PSMA1: variants seen among roughly 807,000 people sequenced by gnomAD.
The protein encoded by PSMA1 is proteasome 20S subunit alpha 1, also known as proteasome subunit alpha type-1.
PSMA1 carries 3 observed loss-of-function variants against 38.4 expected under a neutral mutation model. That is an observed-to-expected ratio of 0.08 (90% CI 0.04 to 0.20). PSMA1 has a LOEUF of 0.20. Ranked by LOEUF, PSMA1 falls within the 10% of genes least tolerant of loss-of-function variation. The probability of loss-of-function intolerance (pLI) is 1.00; values close to 1 mark genes in which losing one functional copy is unlikely to be tolerated. For missense variants in PSMA1, 227 were observed against 325.3 expected (o/e 0.70, Z 2.32); for synonymous variants, 101 against 107.1 (o/e 0.94, Z 0.35).
At chr11:14,584,947 G>C (rs749690797) in intron 2 of PSMA1, among the ~76,000 whole-genome samples, 18 of 152,166 alleles carry the variant, frequency 1.2e-4, no homozygotes, top group Non-Finnish European at 2.2e-4. Flanking sequence ...ATTTACTGTA[G>C]AGACAAACAA....
At chr11:14,615,362 C>G (rs1219154424) in intron 1 of PSMA1, among the ~76,000 whole-genome samples, 1 of 152,206 alleles carries the variant, frequency 6.6e-6, no homozygotes, top group African/African-American at 2.4e-5. Flanking sequence ...ATGACAGTAA[C>G]AGGTTTCCTT....
intron 1 of PSMA1, among the ~76,000 whole-genome samples, chr11:14,617,693 ATATATG>A (rs1230201979): frequency 6.8e-6 from 1 of 146,404 alleles, no homozygotes; most frequent in African/African-American, 2.6e-5. Context: ...ACGTATATAT[ATATATG>A]TGTGTGTGTG....
intron 2 of PSMA1, among the ~76,000 whole-genome samples, chr11:14,578,734 G>A (rs547871382): frequency 6.6e-5 from 10 of 152,306 alleles, no homozygotes; most frequent in Admixed American, 6.5e-4. Context: ...TGGTTAGTTG[G>A]TGACAAACAA....
chr11:14,595,486 C>A (rs1229315040), intron 2 of PSMA1, among the ~76,000 whole-genome samples: 1 of 152,198 alleles, frequency 6.6e-6, no homozygotes, highest in Non-Finnish European at 1.5e-5. Context: ...TTTTGATTTG[C>A]ATTTCTCTGA....
chr11:14,584,757 T>G (rs1028920904), intron 2 of PSMA1, among the ~76,000 whole-genome samples: 6 of 152,368 alleles, frequency 3.9e-5, no homozygotes, highest in Admixed American at 3.9e-4. Flanking sequence ...AGATCTCACC[T>G]GTGACACAGC....
intron 2 of PSMA1, among the ~76,000 whole-genome samples, chr11:14,569,153 C>G (rs1370606477): frequency 6.6e-6 from 1 of 152,172 alleles, no homozygotes; most frequent in Non-Finnish European, 1.5e-5. Flanking sequence ...TCTTTTCTAC[C>G]ACATTGTCAT....
At chr11:14,553,600 CA>C (rs1302900382) in intron 2 of PSMA1, among the ~76,000 whole-genome samples, 2 of 149,034 alleles carry the variant, frequency 1.3e-5, no homozygotes, top group Non-Finnish European at 3.0e-5. Context: ...TTTTTTTTTT[CA>C]CTCAGCATAA....
At chr11:14,598,249 AG>A (rs1565054523) in intron 2 of PSMA1, among the ~76,000 whole-genome samples, 1 of 152,230 alleles carries the variant, frequency 6.6e-6, no homozygotes, top group Non-Finnish European at 1.5e-5. Flanking sequence ...AGAGTTCGGT[AG>A]ATGACTATAA....
chr11:14,517,188 C>T (rs1363347627), intron 4 of PSMA1, among the ~76,000 whole-genome samples: 1 of 152,140 alleles, frequency 6.6e-6, no homozygotes, highest in Non-Finnish European at 1.5e-5. Flanking sequence ...CCTTCAAGTT[C>T]CCTTAAGACA....
intron 1 of PSMA1, among the ~76,000 whole-genome samples, chr11:14,638,485 T>A (rs1212410938): frequency 4.5e-5 from 6 of 134,280 alleles, no homozygotes. Context: ...ACATTTTAAG[T>A]TGGCTTAGTG....
intron 2 of PSMA1, among the ~76,000 whole-genome samples, chr11:14,591,454 C>T (rs1278819893): frequency 3.3e-5 from 5 of 152,158 alleles, no homozygotes; most frequent in Admixed American, 2.6e-4. Context: ...TGTGGGCGCA[C>T]GGCACTGGGA....
chr11:14,608,400 A>C (rs1164725096), intron 2 of PSMA1, among the ~76,000 whole-genome samples: 1 of 151,532 alleles, frequency 6.6e-6, no homozygotes. Flanking sequence ...ATCACACACC[A>C]GGGACTGTTG....
chr11:14,641,785 G>T (rs1853205625), intron 1 of PSMA1, among the ~76,000 whole-genome samples: 1 of 152,204 alleles, frequency 6.6e-6, no homozygotes, highest in Non-Finnish European at 1.5e-5. Context: ...ATAAAAGGTT[G>T]CTCTTGGCTC....
chr11:14,576,079 T>C (rs905439253), intron 2 of PSMA1, among the ~76,000 whole-genome samples: 3 of 152,234 alleles, frequency 2.0e-5, no homozygotes, highest in African/African-American at 7.2e-5. Flanking sequence ...TGTCTGTTCA[T>C]ATCCTTTGCC....
intron 2 of PSMA1, among the ~76,000 whole-genome samples, chr11:14,528,960 A>C (rs1332583226): frequency 6.6e-6 from 1 of 151,822 alleles, no homozygotes; most frequent in East Asian, 1.9e-4. Context: ...CCCGTTGCTG[A>C]CTCTCTTTTC....
chr11:14,585,875 GA>G (rs958058660), intron 2 of PSMA1, among the ~76,000 whole-genome samples: 2 of 148,666 alleles, frequency 1.3e-5, no homozygotes, highest in African/African-American at 2.5e-5. Context: ...GCAGTGGTCA[GA>G]AAAAAAAAAT....
intron 2 of PSMA1, among the ~76,000 whole-genome samples, chr11:14,548,335 G>C (rs936106960): frequency 6.6e-6 from 1 of 152,158 alleles, no homozygotes; most frequent in African/African-American, 2.4e-5. Context: ...TGGATTTCAA[G>C]GTAGACACTG....
chr11:14,623,584 T>C (rs192440858), intron 1 of PSMA1, among the ~76,000 whole-genome samples: 1 of 152,278 alleles, frequency 6.6e-6, no homozygotes, highest in African/African-American at 2.4e-5. Flanking sequence ...ATGAAGAGTT[T>C]AGTGTGACAT....
chr11:14,545,519 G>A, intron 2 of PSMA1, among the ~76,000 whole-genome samples: 1 of 152,070 alleles, frequency 6.6e-6, no homozygotes, highest in East Asian at 1.9e-4. Flanking sequence ...GTGTCCATGT[G>A]TTCTCATTGT....
Sources: allele counts gnomAD v4.1 joint callset (sites outside exome capture counted in the v4.1 genomes callset), GRCh38; gene constraint gnomAD v4.1.1; transcripts MANE v1.5; gene names NCBI Gene and HGNC (gene_info 2026-07-23, HGNC 2026-07-21).